PTPRD: variants seen among roughly 807,000 people sequenced by gnomAD.
The protein encoded by PTPRD is protein tyrosine phosphatase receptor type D.
A neutral mutation model predicts 214.5 loss-of-function variants in PTPRD; 34 were observed. The ratio of observed to expected loss-of-function variants is 0.16; its 90% CI spans 0.12 to 0.21. PTPRD has a LOEUF of 0.21. Ranked by LOEUF, PTPRD falls within the 10% of genes least tolerant of loss-of-function variation. PTPRD has a pLI of 1.00. For synonymous variants in PTPRD, 1,128 were observed against 845.7 expected, an observed-to-expected ratio of 1.33 and a Z score of -5.79; for missense variants, 2,545 against 2,398.7, an observed-to-expected ratio of 1.06 and a Z score of -1.27.
chr9:9,214,325 T>C (rs920033044), intron 9 of PTPRD, among the ~76,000 whole-genome samples: 3 of 152,164 alleles, frequency 2.0e-5, no homozygotes, highest in Non-Finnish European at 2.9e-5. Context: ...TAATAGCAAA[T>C]GCAAAAACAA....
chr9:8,681,988 T>A (rs959852707), intron 12 of PTPRD, among the ~76,000 whole-genome samples: 1 of 152,130 alleles, frequency 6.6e-6, no homozygotes, highest in African/African-American at 2.4e-5. Context: ...TACAAACATT[T>A]CCCACAAAAC....
At chr9:9,830,166 C>G (rs1396210913) in intron 5 of PTPRD, among the ~76,000 whole-genome samples, 1 of 151,408 alleles carries the variant, frequency 6.6e-6, no homozygotes, top group African/African-American at 2.4e-5. Context: ...ATTTGTGTGG[C>G]TTTTGTGAAT....
intron 7 of PTPRD, among the ~76,000 whole-genome samples, chr9:9,648,379 C>G (rs531553477): frequency 5.4e-4 from 82 of 152,250 alleles, no homozygotes; most frequent in African/African-American, 1.9e-3. Flanking sequence ...GTTCTTCCTA[C>G]CAAAACAAGG....
chr9:9,285,480 T>A (rs1232636091), intron 9 of PTPRD, among the ~76,000 whole-genome samples: 1 of 151,842 alleles, frequency 6.6e-6, no homozygotes, highest in South Asian at 2.1e-4. Flanking sequence ...AATCACTTGA[T>A]GGCTTCATTT....
At position 10,560,479 on chromosome 9, in the gene PTPRD, A is replaced by G. The variant is rs1228988817; in HGVS notation, c.-600+51919T>C. Among the ~76,000 whole-genome samples, 6 of 152,246 alleles carry G rather than the reference A, an allele frequency of 3.9e-5. No homozygotes were observed. In the East Asian group the frequency reaches 1.2e-3, roughly 29 times the overall value. On this transcript the variant is annotated intron_variant, in intron 2 of 45. Coordinates refer to ENST00000381196, the MANE Select transcript of PTPRD (RefSeq NM_002839.4). Reference sequence around the variant, plus strand: ...TGCTAGATGACGAGTTAGTGGGTGCAGCGCACCAGCATGGCACATGTATAC... The same window carrying G: ...TGCTAGATGACGAGTTAGTGGGTGCGGCGCACCAGCATGGCACATGTATAC...
intron 5 of PTPRD, among the ~76,000 whole-genome samples, chr9:9,864,731 C>A (rs1334906911): frequency 6.6e-6 from 1 of 152,048 alleles, no homozygotes; most frequent in Non-Finnish European, 1.5e-5. Context: ...GTTGCCTAGG[C>A]TTGAACTGCT....
At chr9:9,130,196 G>C (rs919613937) in intron 10 of PTPRD, among the ~76,000 whole-genome samples, 11 of 152,102 alleles carry the variant, frequency 7.2e-5, no homozygotes, top group Admixed American at 1.3e-4. Context: ...TGAGTGGTTT[G>C]ACAGGAGTAA....
chr9:9,017,030 A>G (rs952404563), intron 11 of PTPRD, among the ~76,000 whole-genome samples: 3 of 152,026 alleles, frequency 2.0e-5, no homozygotes, highest in African/African-American at 4.8e-5. Flanking sequence ...ATGGTGGCCT[A>G]GTAGTGATGT....
At chr9:10,514,801 G>A (rs993516064) in intron 2 of PTPRD, among the ~76,000 whole-genome samples, 1 of 152,016 alleles carries the variant, frequency 6.6e-6, no homozygotes, top group Non-Finnish European at 1.5e-5. Flanking sequence ...GTCCCAAAAT[G>A]TATCCACATG....
chr9:10,314,458 C>G (rs145497918), intron 3 of PTPRD, among the ~76,000 whole-genome samples: 3 of 151,858 alleles, frequency 2.0e-5, no homozygotes, highest in African/African-American at 7.2e-5. Flanking sequence ...GAATCAGGAA[C>G]TCCTGAGTAG....
chr9:8,447,524 A>G (rs763766512), intron 34 of PTPRD, among the ~76,000 whole-genome samples: 12 of 152,236 alleles, frequency 7.9e-5, no homozygotes, highest in Non-Finnish European at 1.5e-4. Context: ...GCAAAATTAC[A>G]TCTGAAAGTG....
intron 11 of PTPRD, among the ~76,000 whole-genome samples, chr9:8,877,254 C>G (rs2098402062): frequency 6.6e-6 from 1 of 152,062 alleles, no homozygotes; most frequent in Non-Finnish European, 1.5e-5. Context: ...TTTGTATGAG[C>G]CAAATTAGAA....
rs60272481 is a variant in PTPRD at position 10,248,533 on chromosome 9, A to AAAAAAAAAAAAAC, written c.-545+92429_-545+92430insGTTTTTTTTTTTT. Among the ~76,000 whole-genome samples, 138 of 127,394 alleles carry AAAAAAAAAAAAAC rather than the reference A, an allele frequency of 1.1e-3. 6 individuals are homozygous for AAAAAAAAAAAAAC. Among genetic ancestry groups the AAAAAAAAAAAAAC allele is most frequent in the African/African-American group, 1.7e-3 (52 of 30,358 alleles). 83.6% of individuals were successfully genotyped at this position (127,394 alleles called of 152,430 possible). A position where few individuals can be genotyped will look rare whatever the true frequency, so the allele number is the denominator to read the frequency against. The stretch of plus-strand genomic sequence containing the variant: ...TAGCAAAAAAAAAAAAAAATAAAAA[A>AAAAAAAAAAAAAC]AATAAAGCGAGAAACCAAAATGATA... On this transcript the variant is annotated intron_variant, in intron 3 of 45. Coordinates refer to ENST00000381196, the MANE Select transcript of PTPRD (RefSeq NM_002839.4).
Position 10,591,217 on chromosome 9 carries a change from T to C in PTPRD, c.-600+21181A>G, listed in dbSNP as rs188662454. Among the ~76,000 whole-genome samples the C allele has an allele frequency of 8.8e-3, 1,343 of 152,064 alleles. 10 individuals are homozygous for C. Among genetic ancestry groups the C allele is most frequent in the Non-Finnish European group, 0.015 (994 of 67,940 alleles). On this transcript the variant is annotated intron_variant, in intron 2 of 45. Transcript: ENST00000381196. Reference sequence around the variant, plus strand: ...GGGTGGCATTTCTTTCTATTGCTTGTGCTTACTCCATCTCTATTTATATTA... The same window carrying C: ...GGGTGGCATTTCTTTCTATTGCTTGCGCTTACTCCATCTCTATTTATATTA...
intron 2 of PTPRD, among the ~76,000 whole-genome samples, chr9:10,603,878 AG>A (rs1266042718): frequency 6.6e-6 from 1 of 151,928 alleles, no homozygotes; most frequent in Non-Finnish European, 1.5e-5. Flanking sequence ...TCCCACTACA[AG>A]AAGTGATAAA....
chr9:9,457,040 G>T (rs959619230), intron 8 of PTPRD, among the ~76,000 whole-genome samples: 2 of 151,934 alleles, frequency 1.3e-5, no homozygotes, highest in Non-Finnish European at 2.9e-5. Flanking sequence ...AACTCTCTCT[G>T]TAAGGACAAT....
chr9:8,618,840 G>C (rs1276954892), intron 14 of PTPRD, among the ~76,000 whole-genome samples: 1 of 150,358 alleles, frequency 6.7e-6, no homozygotes, highest in African/African-American at 2.5e-5. Context: ...GAGACTACAG[G>C]TGCATGCCAC....
chr9:9,728,060 T>C (rs1030560101), intron 7 of PTPRD, among the ~76,000 whole-genome samples: 14 of 152,134 alleles, frequency 9.2e-5, no homozygotes, highest in Non-Finnish European at 1.5e-5. Flanking sequence ...ATAAGTCTCA[T>C]GCGATCTGAC....
chr9:9,038,809 G>A (rs143386486), intron 10 of PTPRD, among the ~76,000 whole-genome samples: 231 of 151,832 alleles, frequency 1.5e-3, no homozygotes, highest in African/African-American at 5.4e-3. Flanking sequence ...AGTCCGCCTC[G>A]GACTCCCACA....
Sources: gnomAD v4.1 joint callset for allele counts (sites outside exome capture counted in the v4.1 genomes callset) on GRCh38, gnomAD v4.1.1 for gene constraint, MANE v1.5 for transcripts, NCBI Gene and HGNC (gene_info 2026-07-23, HGNC 2026-07-21) for gene names.